CAMTA1: variants seen among roughly 807,000 people sequenced by gnomAD.
CAMTA1 encodes the protein calmodulin-binding transcription activator 1.
A neutral mutation model predicts 170.9 loss-of-function variants in CAMTA1; 27 were observed. That is an observed-to-expected ratio of 0.16 (90% confidence interval 0.12 to 0.22). The LOEUF is 0.22. Ranked by LOEUF, CAMTA1 falls within the 10% of genes least tolerant of loss-of-function variation. CAMTA1 has a pLI of 1.00. For missense variants in CAMTA1, 1,619 were observed against 2,217.2 expected (o/e 0.73, Z 5.42); for synonymous variants, 833 against 891.5 (o/e 0.93, Z 1.17).
At position 7,113,989 on chromosome 1, in the gene CAMTA1, T is replaced by TCA. The variant is rs1408512759; in HGVS notation, c.302+22621_302+22622dup. ...ATTCTTCAGGGCTGGCCTTCCCTCT[T>TCA]CACAGCCCCTCCCACCACTGCTGTA... On this transcript the variant is annotated intron_variant, in intron 4 of 22. Transcript: ENST00000303635. This position sits in a 1 kb window ranked among gnomAD's most constrained non-coding sequence, Gnocchi z 4.5. Among the ~76,000 whole-genome samples, 3 of 152,306 alleles carry TCA rather than the reference T, an allele frequency of 2.0e-5. No homozygotes were observed. The highest frequency in any genetic ancestry group is 4.4e-5 in the Non-Finnish European group (3 of 68,024).
At chr1:7,342,547 T>C (rs1257823715) in intron 5 of CAMTA1, among the ~76,000 whole-genome samples, 1 of 152,116 alleles carries the variant, frequency 6.6e-6, no homozygotes, top group African/African-American at 2.4e-5. Flanking sequence ...CCCATCATCA[T>C]GGCAGGGTGC....
intron 6 of CAMTA1, among the ~76,000 whole-genome samples, chr1:7,493,151 A>C (rs899434545): frequency 9.2e-6 from 1 of 108,976 alleles, no homozygotes; most frequent in African/African-American, 4.6e-5. Flanking sequence ...TGAGCACACA[A>C]CACAAACCTA....
intron 11 of CAMTA1, among the ~76,000 whole-genome samples, chr1:7,687,940 C>T (rs943559939): frequency 1.4e-4 from 21 of 151,578 alleles, no homozygotes; most frequent in Admixed American, 6.6e-5. Flanking sequence ...TCACCGGAAG[C>T]CTGCCTGGCA....
chr1:7,421,579 A>G (rs1167411428), intron 5 of CAMTA1, among the ~76,000 whole-genome samples: 1 of 152,192 alleles, frequency 6.6e-6, no homozygotes, highest in Non-Finnish European at 1.5e-5. Flanking sequence ...TCTGGGCCTC[A>G]GTTTCTTCCT....
At position 6,971,161 on chromosome 1, in the gene CAMTA1, A is replaced by G. The variant is rs1052154428; in HGVS notation, c.235-120143A>G. On this transcript the variant is annotated intron_variant, in intron 3 of 22. Coordinates refer to ENST00000303635, the MANE Select transcript of CAMTA1 (RefSeq NM_015215.4). This position sits in a 1 kb window ranked among gnomAD's most constrained non-coding sequence, Gnocchi z 4.6. ...CAGAAGAAACCTTGAAGTAATTAAC[A>G]GAGTGAGCATGAGACGTTCCTGCTG... Among the ~76,000 whole-genome samples the G allele has an allele frequency of 2.6e-5, 4 of 152,184 alleles. No individual in the cohort carries two copies. Among genetic ancestry groups the G allele is most frequent in the African/African-American group, 9.7e-5 (4 of 41,450 alleles).
chr1:7,280,907 A>T (rs541049079), intron 5 of CAMTA1, among the ~76,000 whole-genome samples: 1 of 152,238 alleles, frequency 6.6e-6, no homozygotes, highest in Non-Finnish European at 1.5e-5. Flanking sequence ...TTTTAAAAAT[A>T]AAGCCAAATT....
intron 1 of CAMTA1, among the ~76,000 whole-genome samples, chr1:6,796,742 G>A (rs928903092): frequency 6.6e-6 from 1 of 152,106 alleles, no homozygotes; most frequent in African/African-American, 2.4e-5. Flanking sequence ...CCTCTAGGGA[G>A]GTCACTGCTT....
intron 4 of CAMTA1, among the ~76,000 whole-genome samples, chr1:7,185,173 C>T (rs904952761): frequency 6.6e-6 from 1 of 152,146 alleles, no homozygotes; most frequent in Non-Finnish European, 1.5e-5. Context: ...CACATATATA[C>T]ACACAGAGAG....
rs991675928 is a variant in CAMTA1 at position 6,918,640 on chromosome 1, G to T, written c.234+93430G>T. The stretch of plus-strand genomic sequence containing the variant: ...TCCCGAGGAACTCAGAACTTCCCCC[G>T]TGGGCCTCAGGCCCAGGATCGCTGC... On this transcript the variant is annotated intron_variant, in intron 3 of 22. Coordinates refer to ENST00000303635, the MANE Select transcript of CAMTA1 (RefSeq NM_015215.4). This position sits in a 1 kb window ranked among gnomAD's most constrained non-coding sequence, Gnocchi z 4.0. Among the ~76,000 whole-genome samples, 1 of 152,246 alleles carries T rather than the reference G, an allele frequency of 6.6e-6. No individual in the cohort carries two copies. Among genetic ancestry groups the T allele is most frequent in the African/African-American group, 2.4e-5 (1 of 41,464 alleles).
rs1572657196 is a variant in CAMTA1 at position 7,044,906 on chromosome 1, A to ATC, written c.235-46398_235-46397insTC. Among the ~76,000 whole-genome samples, 3 of 152,066 alleles carry ATC rather than the reference A, an allele frequency of 2.0e-5. No homozygotes were observed. In the East Asian group the frequency reaches 5.8e-4, roughly 29 times the overall value. ...ATCCCGCCATTTTGATTAAAAAAAA[A>ATC]AATCCCCCAAAATAAAAACTCATAC... On this transcript the variant is annotated intron_variant, in intron 3 of 22. Transcript: ENST00000303635. The surrounding 1 kb of genome is among the most constrained non-coding windows in gnomAD (Gnocchi z 5.0).
chr1:7,108,293 T>A (rs1409006531), intron 4 of CAMTA1, among the ~76,000 whole-genome samples: 2 of 152,152 alleles, frequency 1.3e-5, no homozygotes, highest in East Asian at 3.9e-4. Flanking sequence ...CGCATCTGTA[T>A]AATGGGAGTA....
chr1:7,378,940 G>A (rs997730476), intron 5 of CAMTA1, among the ~76,000 whole-genome samples: 21 of 152,012 alleles, frequency 1.4e-4, no homozygotes, highest in Admixed American at 1.3e-4. Flanking sequence ...GGCTCCTCGA[G>A]GCACCCCATC....
At chr1:7,031,955 CTTATTTAT>C (rs375747945) in intron 3 of CAMTA1, among the ~76,000 whole-genome samples, 15 of 151,842 alleles carry the variant, frequency 9.9e-5, no homozygotes, top group South Asian at 2.1e-4. Flanking sequence ...CCCCTTTTCT[CTTATTTAT>C]TTATTTATTT....
intron 9 of CAMTA1, among the ~76,000 whole-genome samples, chr1:7,667,340 G>A (rs1218227747): frequency 1.3e-5 from 2 of 152,176 alleles, no homozygotes; most frequent in East Asian, 1.9e-4. Flanking sequence ...GGACAGGGAG[G>A]AGGCCAGGAT....
chr1:6,947,002 G>A (rs1432381779), intron 3 of CAMTA1, among the ~76,000 whole-genome samples: 1 of 152,068 alleles, frequency 6.6e-6, no homozygotes, highest in Non-Finnish European at 1.5e-5. Flanking sequence ...GTGTGAGGGA[G>A]GGATCTAACT....
At chr1:6,872,500 T>C (rs1318958231) in intron 3 of CAMTA1, among the ~76,000 whole-genome samples, 1 of 152,352 alleles carries the variant, frequency 6.6e-6, no homozygotes, top group East Asian at 1.9e-4. Flanking sequence ...ATTTCTTTAA[T>C]TTTAGGCATA....
Position 7,248,824 on chromosome 1 carries a change from C to G in CAMTA1, c.303-667C>G, listed in dbSNP as rs1666220437. On this transcript the variant is annotated intron_variant, in intron 4 of 22. Coordinates refer to ENST00000303635, the MANE Select transcript of CAMTA1 (RefSeq NM_015215.4). The surrounding 1 kb of genome is among the most constrained non-coding windows in gnomAD (Gnocchi z 4.0). ...AGCAAGCCGCTATTTCCCTGAGATG[C>G]TCTGGCTGTGGACTGAATAGATGAC... 6.6e-6 allele frequency among the ~76,000 whole-genome samples: 1 copy of G among 152,210 alleles called. No homozygotes were observed. Among genetic ancestry groups the G allele is most frequent in the African/African-American group, 2.4e-5 (1 of 41,450 alleles).
intron 4 of CAMTA1, among the ~76,000 whole-genome samples, chr1:7,129,549 C>G (rs935498373): frequency 6.6e-6 from 1 of 152,182 alleles, no homozygotes; most frequent in Non-Finnish European, 1.5e-5. Flanking sequence ...GGTTCTTACT[C>G]CAGGCAATAC....
rs1446031596 is a variant in CAMTA1 at position 7,592,292 on chromosome 1, C to A, written c.511-48108C>A. Among the ~76,000 whole-genome samples the A allele has an allele frequency of 6.6e-6, 1 of 152,172 alleles. No homozygotes were observed. The highest frequency in any genetic ancestry group is 6.5e-5 in the Admixed American group (1 of 15,280). ...CTGTCCTTGCCATCACTGTCCTTCC[C>A]CTTTGTGCTAGCTCACCGGACTGGC... On this transcript the variant is annotated intron_variant, in intron 6 of 22. Transcript: ENST00000303635. This position sits in a 1 kb window ranked among gnomAD's most constrained non-coding sequence, Gnocchi z 4.6.
Sources: gnomAD v4.1 joint callset for allele counts (sites outside exome capture counted in the v4.1 genomes callset) on GRCh38, gnomAD v4.1.1 for gene constraint, Gnocchi (gnomAD v3.1) non-coding constraint, MANE v1.5 for transcripts, NCBI Gene and HGNC (gene_info 2026-07-23, HGNC 2026-07-21) for gene names.